Variants in CCDC7 observed in about 807,000 individuals in gnomAD.
CCDC7 encodes coiled-coil domain containing 7.
CCDC7 carries 183 observed loss-of-function variants against 196.9 expected under a neutral mutation model. The observed-to-expected ratio is 0.93, with a 90% CI of 0.82 to 1.05. CCDC7 has a LOEUF of 1.05. Among genes scored for constraint, CCDC7 ranks in the 50% least tolerant of loss-of-function variants. The probability of loss-of-function intolerance (pLI) is 0.00; values close to 1 mark genes in which losing one functional copy is unlikely to be tolerated. For synonymous variants in CCDC7, 525 were observed against 484.6 expected, an observed-to-expected ratio of 1.08 and a Z score of -1.10; for missense variants, 1,540 against 1,482.2, an observed-to-expected ratio of 1.04 and a Z score of -0.64.
intron 32 of CCDC7, among the ~76,000 whole-genome samples, chr10:32,826,560 A>G (rs2091151508): frequency 6.6e-6 from 1 of 152,238 alleles, no homozygotes; most frequent in Non-Finnish European, 1.5e-5. Context: ...TGAAGGCACA[A>G]GCAAGTTACA....
intron 11 of CCDC7, among the ~76,000 whole-genome samples, chr10:32,539,840 C>T (rs1216353008): frequency 6.6e-6 from 1 of 151,884 alleles, no homozygotes; most frequent in Non-Finnish European, 1.5e-5. Context: ...TTTTCTTAGT[C>T]TTGGTTTCTA....
chr10:32,678,744 T>C (rs182071080), intron 21 of CCDC7, among the ~76,000 whole-genome samples: 10 of 152,312 alleles, frequency 6.6e-5, no homozygotes, highest in African/African-American at 2.4e-4. Context: ...GAGATCTCTC[T>C]TGGCACTGTG....
At chr10:32,454,729 AC>A (rs1316376212) in intron 2 of CCDC7, among the ~76,000 whole-genome samples, 2 of 152,012 alleles carry the variant, frequency 1.3e-5, no homozygotes, top group Non-Finnish European at 2.9e-5. Flanking sequence ...ATTTTATTTC[AC>A]ATCAACCACT....
chr10:32,580,551 T>C (rs2058639199), intron 16 of CCDC7, among the ~76,000 whole-genome samples: 1 of 152,142 alleles, frequency 6.6e-6, no homozygotes, highest in Non-Finnish European at 1.5e-5. Context: ...TAAAATTGAT[T>C]TTTAGAATCA....
chr10:32,508,600 T>C (rs2135253480), intron 9 of CCDC7, among the ~76,000 whole-genome samples: 1 of 152,084 alleles, frequency 6.6e-6, no homozygotes, highest in South Asian at 2.1e-4. Context: ...TTAGCAAGAG[T>C]AGTAAGGCTG....
In CCDC7 at chr10:32,484,673, C is replaced by T. The variant is rs11527554; in HGVS notation, c.797-7249C>T. ...CTTATTATTTTGAGATATGTCCCAT[C>T]AATTACCTAGTTTATTGAGAGTTTT... On this transcript the variant is annotated intron_variant, in intron 8 of 41. Transcript: ENST00000639629. 2.5e-3 allele frequency among the ~76,000 whole-genome samples: 380 copies of T among 152,222 alleles called. 10 individuals carry two copies. The East Asian group carries it at 0.056, about 22-fold the overall frequency.
chr10:32,491,480 T>C (rs2042145208), intron 8 of CCDC7, among the ~76,000 whole-genome samples: 1 of 152,180 alleles, frequency 6.6e-6, no homozygotes, highest in South Asian at 2.1e-4. Flanking sequence ...AGCTAGATCC[T>C]TCCCATAGAC....
At chr10:32,749,443 A>G (rs2075335171) in intron 28 of CCDC7, among the ~76,000 whole-genome samples, 1 of 152,176 alleles carries the variant, frequency 6.6e-6, no homozygotes, top group African/African-American at 2.4e-5. Context: ...TGTATACCAT[A>G]AGAGAATCAA....
intron 5 of CCDC7, among the ~76,000 whole-genome samples, chr10:32,463,280 C>A (rs1257424127): frequency 6.6e-6 from 1 of 152,040 alleles, no homozygotes; most frequent in Admixed American, 6.6e-5. Context: ...TTGACTGACA[C>A]ATTTTTTTTC....
chr10:32,698,410 A>G lies in CCDC7; in HGVS notation c.2458+3418A>G, dbSNP rs187636411. Among the ~76,000 whole-genome samples the G allele has an allele frequency of 2.8e-4, 43 of 152,310 alleles. No individual in the cohort carries two copies. The East Asian group carries it at 7.3e-3, about 26-fold the overall frequency. The stretch of plus-strand genomic sequence containing the variant: ...CGGTAATAATAAACTTCTCTGAGCT[A>G]AAGGAGGATGCTCGAACCCATTGCA... On this transcript the variant is annotated intron_variant, in intron 24 of 41. Coordinates refer to ENST00000639629, the Ensembl canonical transcript of CCDC7.
intron 18 of CCDC7, among the ~76,000 whole-genome samples, chr10:32,606,969 C>T (rs182767054): frequency 7.2e-4 from 109 of 152,232 alleles, no homozygotes; most frequent in African/African-American, 2.4e-3. Flanking sequence ...ATCTGTTCCA[C>T]GCAAACATCA....
chr10:32,610,106 G>T (rs1208950075), intron 18 of CCDC7, among the ~76,000 whole-genome samples: 1 of 151,572 alleles, frequency 6.6e-6, no homozygotes, highest in Non-Finnish European at 1.5e-5. Flanking sequence ...CAGATTTCTT[G>T]TTTGTTTGTT....
chr10:32,722,213 A>T (rs1157011651), intron 25 of CCDC7, among the ~76,000 whole-genome samples: 1 of 152,120 alleles, frequency 6.6e-6, no homozygotes, highest in East Asian at 1.9e-4. Flanking sequence ...CTCTAACTAG[A>T]GCAATTTTCT....
At chr10:32,850,332 G>GAGGT (rs775296744) in intron 39 of CCDC7, among the ~76,000 whole-genome samples, 22 of 152,254 alleles carry the variant, frequency 1.4e-4, no homozygotes, top group Non-Finnish European at 2.4e-4. Context: ...ACTGGCCCAG[G>GAGGT]AGGTGACTTG....
rs527732607 is a variant in CCDC7 at position 32,566,508 on chromosome 10, A to G, written c.1197+888A>G. 9.8e-5 allele frequency among the ~76,000 whole-genome samples: 15 copies of G among 152,286 alleles called. No individual in the cohort carries two copies. The East Asian group carries it at 2.5e-3, about 25-fold the overall frequency. ...ATTATTAAATGTACTTCTATTACCT[A>G]TTCTGATTTAAATGTATGTTTATTG... is the stretch of plus-strand genomic sequence containing the variant. On this transcript the variant is annotated intron_variant, in intron 14 of 41. Transcript: ENST00000639629.
At chr10:32,484,020 G>A (rs941145432) in intron 8 of CCDC7, among the ~76,000 whole-genome samples, 8 of 151,930 alleles carry the variant, frequency 5.3e-5, no homozygotes, top group African/African-American at 1.7e-4. Context: ...TAGTTTTTTC[G>A]AATTCTATGA....
At chr10:32,542,113 G>A (rs1338529153) in intron 11 of CCDC7, among the ~76,000 whole-genome samples, 1 of 152,058 alleles carries the variant, frequency 6.6e-6, no homozygotes, top group Non-Finnish European at 1.5e-5. Context: ...CAGCTATCTT[G>A]TCCAAACGTC....
At chr10:32,617,658 T>C (rs1007588445) in intron 18 of CCDC7, among the ~76,000 whole-genome samples, 7 of 151,988 alleles carry the variant, frequency 4.6e-5, no homozygotes, top group Non-Finnish European at 8.8e-5. Context: ...AGACACTTGA[T>C]ATGATTTCGA....
chr10:32,659,625 TAAAC>T (rs995841082), intron 20 of CCDC7, among the ~76,000 whole-genome samples: 3 of 151,966 alleles, frequency 2.0e-5, no homozygotes, highest in South Asian at 4.1e-4. Context: ...TACAAAAAAA[TAAAC>T]AGCAACAACA....
Sources: gnomAD v4.1 joint callset for allele counts (sites outside exome capture counted in the v4.1 genomes callset) on GRCh38, gnomAD v4.1.1 for gene constraint, MANE v1.5 for transcripts, NCBI Gene and HGNC (gene_info 2026-07-23, HGNC 2026-07-21) for gene names.